Variants in SEMA6D observed in about 807,000 individuals in gnomAD.
The protein encoded by SEMA6D is semaphorin 6D, also known as semaphorin-6D.
In SEMA6D, 35 loss-of-function variants were observed where a neutral mutation model predicts 106.6. The observed-to-expected ratio is 0.33, with a 90% CI of 0.25 to 0.44. The LOEUF (loss-of-function observed/expected upper bound fraction) is 0.44. SEMA6D is among the 20% of genes least tolerant of loss of function. The probability of loss-of-function intolerance (pLI) is 1.00; values close to 1 mark genes in which losing one functional copy is unlikely to be tolerated. For missense variants in SEMA6D, 1,185 were observed against 1,345.9 expected (o/e 0.88, Z 1.87); for synonymous variants, 499 against 487.7 (o/e 1.02, Z -0.31).
At chr15:47,584,214 G>A (rs1186460126) in intron 3 of SEMA6D, among the ~76,000 whole-genome samples, 1 of 152,196 alleles carries the variant, frequency 6.6e-6, no homozygotes, top group Non-Finnish European at 1.5e-5. Context: ...CCTGAGTTAA[G>A]GAGTTCGAGA....
intron 1 of SEMA6D, among the ~76,000 whole-genome samples, chr15:47,308,618 C>T (rs1330056987): frequency 6.6e-6 from 1 of 152,042 alleles, no homozygotes; most frequent in Non-Finnish European, 1.5e-5. Flanking sequence ...GAAAAATGGC[C>T]CAATGCTCTT....
At chr15:47,471,885 T>G (rs2042849113) in intron 3 of SEMA6D, among the ~76,000 whole-genome samples, 1 of 148,068 alleles carries the variant, frequency 6.8e-6, no homozygotes, top group African/African-American at 2.5e-5. Flanking sequence ...GTGATCAGAG[T>G]TCTACCTGGC....
chr15:47,244,300 C>T (rs1283383877), intron 1 of SEMA6D, among the ~76,000 whole-genome samples: 1 of 152,058 alleles, frequency 6.6e-6, no homozygotes, highest in East Asian at 1.9e-4. Context: ...GTGACTTAGG[C>T]CAAATTGGTT....
At chr15:47,518,971 T>A (rs1761082156) in intron 3 of SEMA6D, among the ~76,000 whole-genome samples, 1 of 152,082 alleles carries the variant, frequency 6.6e-6, no homozygotes, top group South Asian at 2.1e-4. Context: ...ATGGCTGTAA[T>A]CCTAGCACTT....
intron 1 of SEMA6D, among the ~76,000 whole-genome samples, chr15:47,394,477 G>A (rs1044901013): frequency 6.6e-6 from 1 of 152,130 alleles, no homozygotes; most frequent in Non-Finnish European, 1.5e-5. Flanking sequence ...ATTAGTTGGG[G>A]AGAACAGCCT....
rs141759204 is a variant in SEMA6D, at chr15:47,438,254, C to T, written c.-159+25782C>T. Among the ~76,000 whole-genome samples, 1,027 of 152,156 alleles carry T rather than the reference C, an allele frequency of 6.7e-3. 12 individuals carry two copies. The highest frequency in any genetic ancestry group is 0.024 in the African/African-American group (980 of 41,536). On this transcript the variant is annotated intron_variant, in intron 2 of 19. Transcript: ENST00000558014. The stretch of plus-strand genomic sequence containing the variant: ...CTCCCACTTCTCATGGCTTCCATTG[C>T]ACCACTCTGGTACAGGCTACCATCA...
At chr15:47,440,325 G>A (rs926807307) in intron 2 of SEMA6D, among the ~76,000 whole-genome samples, 2 of 126,466 alleles carry the variant, frequency 1.6e-5, no homozygotes, top group Non-Finnish European at 3.4e-5. Context: ...AATGACAGTG[G>A]GCATTGCAGC....
rs115532875 is a variant in SEMA6D, at chr15:47,459,353, C to T, written c.-158-11121C>T. 3.5e-3 allele frequency among the ~76,000 whole-genome samples: 528 copies of T among 152,150 alleles called. 3 individuals carry two copies. Among genetic ancestry groups the T allele is most frequent in the African/African-American group, 0.012 (505 of 41,546 alleles). ...GAATCCTGTCAACTGCCTGAATGAT[C>T]TGGGCATCAGATTCTTCCCAGTTGA... On this transcript the variant is annotated intron_variant, in intron 2 of 19. Coordinates refer to the SEMA6D transcript ENST00000558014.
chr15:47,275,418 G>A (rs891996291), intron 1 of SEMA6D, among the ~76,000 whole-genome samples: 5 of 152,076 alleles, frequency 3.3e-5, no homozygotes, highest in African/African-American at 9.7e-5. Flanking sequence ...TGTTGAACAA[G>A]TTTATCAGTG....
chr15:47,464,406 C>A (rs1400397656), intron 2 of SEMA6D, among the ~76,000 whole-genome samples: 1 of 152,080 alleles, frequency 6.6e-6, no homozygotes, highest in Non-Finnish European at 1.5e-5. Context: ...AGAAAAGGCA[C>A]CCATCCTGCT....
intron 3 of SEMA6D, among the ~76,000 whole-genome samples, chr15:47,505,477 A>G (rs1016696384): frequency 6.6e-6 from 1 of 152,218 alleles, no homozygotes; most frequent in Admixed American, 6.5e-5. Context: ...CTGATAAAGA[A>G]CATTTGGGGA....
intron 1 of SEMA6D, among the ~76,000 whole-genome samples, chr15:47,358,458 C>T (rs922987336): frequency 1.3e-5 from 2 of 152,140 alleles, no homozygotes; most frequent in African/African-American, 2.4e-5. Flanking sequence ...GTAATTGCTT[C>T]CTAATGAAGA....
chr15:47,380,641 G>A (rs1188278711), intron 1 of SEMA6D: 2 of 152,132 alleles, frequency 1.3e-5, no homozygotes, highest in Admixed American at 6.6e-5. Flanking sequence ...ACATACACAA[G>A]CGACTGCTAG....
chr15:47,444,840 C>T (rs1371495579), intron 2 of SEMA6D, among the ~76,000 whole-genome samples: 2 of 151,990 alleles, frequency 1.3e-5, no homozygotes, highest in Admixed American at 6.6e-5. Context: ...CTTTGCCATC[C>T]GCAGATAGCT....
chr15:47,323,682 T>A (rs1213737247), intron 1 of SEMA6D, among the ~76,000 whole-genome samples: 1 of 152,174 alleles, frequency 6.6e-6, no homozygotes, highest in Non-Finnish European at 1.5e-5. Context: ...TCACCAGGGA[T>A]CTGTCCTTGT....
chr15:47,554,032 A>C (rs1566884584), intron 3 of SEMA6D, among the ~76,000 whole-genome samples: 1 of 152,300 alleles, frequency 6.6e-6, no homozygotes, highest in Admixed American at 6.5e-5. Context: ...TTGTTGAAGC[A>C]CATACTTTGC....
intron 3 of SEMA6D, among the ~76,000 whole-genome samples, chr15:47,572,472 G>A (rs1435760): frequency 0.99 from 150,710 of 152,308 alleles, 74,582 homozygotes; most frequent in Middle Eastern, 1. Flanking sequence ...TTCTGTATTC[G>A]GCACAGAAAC....
At chr15:47,325,961 A>G (rs1488780147) in intron 1 of SEMA6D, among the ~76,000 whole-genome samples, 1 of 152,252 alleles carries the variant, frequency 6.6e-6, no homozygotes, top group Non-Finnish European at 1.5e-5. Flanking sequence ...ACTAGTTATT[A>G]GAGCCTGCAT....
Position 47,254,349 on chromosome 15 carries a change from A to ATG in SEMA6D, c.-239+69932_-239+69933insGT, listed in dbSNP as rs2033683713. Among the ~76,000 whole-genome samples the ATG allele has an allele frequency of 5.4e-5, 8 of 147,866 alleles. No homozygotes were observed. In the South Asian group the frequency reaches 1.5e-3, roughly 27 times the overall value. ...TGTGTGTGTATATATATATATATAT[A>ATG]TATAAATGATTGTGTTGTCTTAAAA... On this transcript the variant is annotated intron_variant, in intron 1 of 19. Transcript: ENST00000558014.
Sources: gnomAD v4.1 joint callset for allele counts (sites outside exome capture counted in the v4.1 genomes callset) on GRCh38, gnomAD v4.1.1 for gene constraint, MANE v1.5 for transcripts, NCBI Gene and HGNC (gene_info 2026-07-23, HGNC 2026-07-21) for gene names.